The following SBF2 variants were observed in gnomAD, a reference collection of about 807,000 sequenced individuals.
SBF2 encodes myotubularin-related protein 13.
A neutral mutation model predicts 225.2 loss-of-function variants in SBF2; 112 were observed. The ratio of observed to expected loss-of-function variants is 0.50; its 90% CI spans 0.43 to 0.58. The LOEUF (loss-of-function observed/expected upper bound fraction) is 0.58, where lower values mean the gene tolerates loss of function less well. Ranked by LOEUF, SBF2 falls within the 20% of genes least tolerant of loss-of-function variation. The probability of loss-of-function intolerance (pLI) is 0.00; values close to 1 mark genes in which losing one functional copy is unlikely to be tolerated. For synonymous variants in SBF2, 763 were observed against 773.3 expected (o/e 0.99, Z 0.22); for missense variants, 1,996 against 2,206.2 (o/e 0.90, Z 1.91).
chr11:10,054,844 C>T (rs1024784671), intron 2 of SBF2, among the ~76,000 whole-genome samples: 1 of 151,928 alleles, frequency 6.6e-6, no homozygotes, highest in Admixed American at 6.6e-5. Context: ...CAAACTAAAA[C>T]CACAACGAGA....
At chr11:10,070,872 T>C (rs375774256) in intron 2 of SBF2, among the ~76,000 whole-genome samples, 5 of 152,178 alleles carry the variant, frequency 3.3e-5, no homozygotes, top group East Asian at 1.9e-4. Flanking sequence ...AAGAAGTCCT[T>C]CACATCCCTT....
chr11:10,279,345 G>A (rs12416695), intron 1 of SBF2, among the ~76,000 whole-genome samples: 29,773 of 150,430 alleles, frequency 0.2, 3,881 homozygotes, highest in Non-Finnish European at 0.3. Flanking sequence ...CCCGGGAGAC[G>A]GAGGTTGTAG....
intron 24 of SBF2, 25 bp downstream of exon 24, chr11:9,845,540 T>C: frequency 6.2e-7 from 1 of 1,606,792 alleles, no homozygotes. Flanking sequence ...AGGGCTGAAA[T>C]TAACAGACTT....
At chr11:9,926,835 A>G (rs1864094207) in intron 16 of SBF2, among the ~76,000 whole-genome samples, 1 of 152,222 alleles carries the variant, frequency 6.6e-6, no homozygotes, top group African/African-American at 2.4e-5. Context: ...ATCTACCTTA[A>G]GAAAATGGAC....
At chr11:9,886,385 T>TC (rs1860302939) in intron 17 of SBF2, among the ~76,000 whole-genome samples, 1 of 152,180 alleles carries the variant, frequency 6.6e-6, no homozygotes, top group African/African-American at 2.4e-5. Context: ...TTCTTTTTTT[T>TC]CTCTTCTTCC....
At chr11:9,863,013 T>C (rs538972707) in intron 17 of SBF2, among the ~76,000 whole-genome samples, 29 of 152,166 alleles carry the variant, frequency 1.9e-4, no homozygotes, top group African/African-American at 7.0e-4. Context: ...TAAGATTCTG[T>C]CCTAAAAAAA....
chr11:9,952,866 C>T (rs1865937844), intron 16 of SBF2, among the ~76,000 whole-genome samples: 1 of 152,120 alleles, frequency 6.6e-6, no homozygotes, highest in Non-Finnish European at 1.5e-5. Flanking sequence ...CAAGAATGGC[C>T]ATAATCAAAA....
intron 1 of SBF2, among the ~76,000 whole-genome samples, chr11:10,290,715 T>G (rs1459991025): frequency 2.6e-5 from 4 of 152,214 alleles, no homozygotes; most frequent in African/African-American, 9.7e-5. Flanking sequence ...GAATAGATCC[T>G]GGACTATTTG....
intron 1 of SBF2, among the ~76,000 whole-genome samples, chr11:10,196,351 C>T (rs1194149196): frequency 1.3e-5 from 2 of 152,110 alleles, no homozygotes; most frequent in Non-Finnish European, 2.9e-5. Flanking sequence ...GAAAGCCATA[C>T]TAATGTATTT....
intron 29 of SBF2, among the ~76,000 whole-genome samples, chr11:9,813,867 C>A (rs193069733): frequency 7.2e-5 from 11 of 151,922 alleles, no homozygotes; most frequent in Non-Finnish European, 1.3e-4. Context: ...ACTTGAACCC[C>A]GGAGATGGAG....
intron 1 of SBF2, among the ~76,000 whole-genome samples, chr11:10,273,732 A>G (rs150625928): frequency 6.6e-6 from 1 of 152,356 alleles, no homozygotes; most frequent in East Asian, 1.9e-4. Context: ...AAGAAATGGA[A>G]TATCTCCTGA....
intron 6 of SBF2, among the ~76,000 whole-genome samples, chr11:10,004,566 A>G (rs1452176368): frequency 1.4e-5 from 2 of 143,548 alleles, no homozygotes; most frequent in Non-Finnish European, 3.0e-5. Context: ...TAAGATAGCT[A>G]CAAAAATTAA....
intron 16 of SBF2, among the ~76,000 whole-genome samples, chr11:9,912,307 CT>C (rs1862698740): frequency 2.7e-5 from 4 of 148,084 alleles, no homozygotes; most frequent in Non-Finnish European, 5.9e-5. Context: ...TATTTTTTAG[CT>C]GGGTGCGGTG....
chr11:10,255,226 G>A (rs972000143), intron 1 of SBF2, among the ~76,000 whole-genome samples: 7 of 152,218 alleles, frequency 4.6e-5, no homozygotes, highest in African/African-American at 1.7e-4. Flanking sequence ...CACTAAAAGA[G>A]TAGATTTTAA....
At chr11:10,009,445 T>C (rs894406036) in intron 6 of SBF2, among the ~76,000 whole-genome samples, 4 of 152,066 alleles carry the variant, frequency 2.6e-5, no homozygotes, top group Non-Finnish European at 5.9e-5. Flanking sequence ...GTGTGTGATG[T>C]TCCCCTCCCT....
chr11:10,040,186 T>C (rs1416077651), intron 3 of SBF2, among the ~76,000 whole-genome samples: 1 of 151,998 alleles, frequency 6.6e-6, no homozygotes, highest in Non-Finnish European at 1.5e-5. Context: ...AGACTGATTA[T>C]TAATTGCAAA....
At chr11:10,266,361 C>T (rs1039854694) in intron 1 of SBF2, among the ~76,000 whole-genome samples, 2 of 152,144 alleles carry the variant, frequency 1.3e-5, no homozygotes, top group Non-Finnish European at 2.9e-5. Flanking sequence ...AGCACTGAGA[C>T]TGTAAAGGAC....
chr11:10,222,916 A>G lies in SBF2; in HGVS notation c.56-28929T>C, dbSNP rs1004970763. Among the ~76,000 whole-genome samples the G allele has an allele frequency of 2.0e-5, 3 of 152,114 alleles. No individual in the cohort carries two copies. In the East Asian group the frequency reaches 5.8e-4, roughly 29 times the overall value. ...CCAGGACAGATAATGTCCTTTAGGC[A>G]ATAAATGAGTTTCAATAACCTTATA... On this transcript the variant is annotated intron_variant, in intron 1 of 39. Coordinates refer to ENST00000256190, the MANE Select transcript of SBF2 (RefSeq NM_030962.4).
At chr11:10,075,074 C>T (rs1951040476) in intron 2 of SBF2, among the ~76,000 whole-genome samples, 1 of 152,136 alleles carries the variant, frequency 6.6e-6, no homozygotes, top group Non-Finnish European at 1.5e-5. Context: ...AGTTGGATGG[C>T]AATTTATCAG....
Sources: allele counts gnomAD v4.1 joint callset (sites outside exome capture counted in the v4.1 genomes callset), GRCh38; gene constraint gnomAD v4.1.1; transcripts MANE v1.5; gene names NCBI Gene and HGNC (gene_info 2026-07-23, HGNC 2026-07-21).